Variants in ITGB3BP observed in about 807,000 individuals in gnomAD.
ITGB3BP encodes the protein centromere protein R.
In ITGB3BP, 27 loss-of-function variants were observed where a neutral mutation model predicts 29.1. The observed-to-expected ratio is 0.93, with a 90% CI of 0.68 to 1.28. ITGB3BP has a LOEUF of 1.28. ITGB3BP is among the 50% of genes most tolerant of loss of function. ITGB3BP has a pLI of 0.00. For missense variants in ITGB3BP, 192 were observed against 200.2 expected (o/e 0.96, Z 0.25); for synonymous variants, 61 against 61.4 (o/e 0.99, Z 0.03).
intron 4 of ITGB3BP, among the ~76,000 whole-genome samples, chr1:63,455,213 C>T (rs1250198943): frequency 6.6e-6 from 1 of 152,126 alleles, no homozygotes; most frequent in Admixed American, 6.6e-5. Flanking sequence ...AACACTAATA[C>T]ACCACCATTC....
intron 2 of ITGB3BP, among the ~76,000 whole-genome samples, chr1:63,500,881 A>G (rs1348096061): frequency 6.6e-6 from 1 of 152,234 alleles, no homozygotes; most frequent in Non-Finnish European, 1.5e-5. Context: ...CTGATTTCAA[A>G]CTTACAATCA....
chr1:63,474,020 G>GA (rs1382667749), intron 4 of ITGB3BP, among the ~76,000 whole-genome samples: 1 of 5,624 alleles, frequency 1.8e-4, no homozygotes, highest in African/African-American at 2.0e-4. Flanking sequence ...GAGGGAGGTG[G>GA]GGGGATCAGC....
intron 2 of ITGB3BP, among the ~76,000 whole-genome samples, chr1:63,507,237 G>C (rs1646100677): frequency 6.6e-6 from 1 of 152,186 alleles, no homozygotes; most frequent in African/African-American, 2.4e-5. Context: ...TACTAAATCA[G>C]TTGGTACAAG....
chr1:63,525,895 G>A, upstream of ITGB3BP: 1 of 601,634 alleles, frequency 1.7e-6, no homozygotes, highest in Non-Finnish European at 2.8e-6. Context: ...ACTACAGTAA[G>A]CTATTATGTC....
chr1:63,468,806 A>T (rs1645143302), intron 4 of ITGB3BP, among the ~76,000 whole-genome samples: 1 of 152,002 alleles, frequency 6.6e-6, no homozygotes, highest in African/African-American at 2.4e-5. Context: ...GGTTGCAGTG[A>T]GCAGAGATCG....
At chr1:63,491,574 A>C (rs1341015421) in intron 2 of ITGB3BP, among the ~76,000 whole-genome samples, 1 of 152,150 alleles carries the variant, frequency 6.6e-6, no homozygotes, top group Non-Finnish European at 1.5e-5. Context: ...CTGCCTGGTC[A>C]ACTATCCTTT....
intron 1 of ITGB3BP, among the ~76,000 whole-genome samples, chr1:63,516,349 G>T: frequency 1.2e-5 from 1 of 84,182 alleles, no homozygotes; most frequent in East Asian, 4.2e-4. Context: ...AAGCGGAGCG[G>T]GGGAAGGTGG....
Position 63,523,204 on chromosome 1 carries a change from G to T in ITGB3BP, c.-71C>A. On this transcript the variant is annotated 5_prime_UTR_variant, in exon 1 of 9. Transcript: ENST00000271002. Reference sequence around the variant, plus strand: ...AGCAACTTCCGAAAACAGAAAATCCGCCAAAGGAAACGCCAAGGCATGAAA... The same window carrying T: ...AGCAACTTCCGAAAACAGAAAATCCTCCAAAGGAAACGCCAAGGCATGAAA... The T allele has an allele frequency of 6.2e-7, 1 of 1,607,180 alleles. No homozygotes were observed. The highest frequency in any genetic ancestry group is 8.5e-7 in the Non-Finnish European group (1 of 1,175,364).
chr1:63,500,164 G>C (rs946716189), intron 2 of ITGB3BP, among the ~76,000 whole-genome samples: 2 of 152,196 alleles, frequency 1.3e-5, no homozygotes, highest in Non-Finnish European at 2.9e-5. Context: ...GATCACCTGA[G>C]GTCAGGAGTT....
chr1:63,464,692 G>T (rs1346210410), intron 4 of ITGB3BP, among the ~76,000 whole-genome samples: 1 of 152,122 alleles, frequency 6.6e-6, no homozygotes, highest in Non-Finnish European at 1.5e-5. Flanking sequence ...AAGGGAAAAT[G>T]ATTACTTTTA....
intron 2 of ITGB3BP, among the ~76,000 whole-genome samples, chr1:63,502,763 T>C (rs1645968652): frequency 1.4e-5 from 2 of 147,702 alleles, no homozygotes; most frequent in South Asian, 4.4e-4. Context: ...GAACACGCGG[T>C]GTTTGGTTTT....
intron 3 of ITGB3BP, among the ~76,000 whole-genome samples, chr1:63,485,787 A>T (rs1386383388): frequency 1.3e-5 from 2 of 152,098 alleles, no homozygotes; most frequent in Admixed American, 6.5e-5. Context: ...GTCTACTGAT[A>T]TAGATAAGTT....
In ITGB3BP at chr1:63,475,516, C is replaced by T. The variant is rs557609872; in HGVS notation, c.254+3248G>A. Among the ~76,000 whole-genome samples the T allele has an allele frequency of 2.6e-5, 4 of 152,250 alleles. No individual in the cohort carries two copies. In the South Asian group the frequency reaches 6.2e-4, roughly 24 times the overall value. Reference sequence around the variant, plus strand: ...GTTATAGTGGGCTATGATTGTGCCACTGCACTTCAGCATGGGTGACAGAGC... The same window carrying T: ...GTTATAGTGGGCTATGATTGTGCCATTGCACTTCAGCATGGGTGACAGAGC... On this transcript the variant is annotated intron_variant, in intron 4 of 8. Transcript: ENST00000271002.
In ITGB3BP at chr1:63,470,091, G is replaced by A. The variant is rs553490970; in HGVS notation, c.254+8673C>T. On this transcript the variant is annotated intron_variant, in intron 4 of 8. Transcript: ENST00000271002. The stretch of plus-strand genomic sequence containing the variant: ...CTTTAATTCAGCCCATCCCATAAGG[G>A]ATACTTTTAGTTAATTTAATATCTA... Among the ~76,000 whole-genome samples, 13 of 152,322 alleles carry A rather than the reference G, an allele frequency of 8.5e-5. No homozygotes were observed. The East Asian group carries it at 2.1e-3, about 25-fold the overall frequency.
chr1:63,516,679 C>A (rs1306426394), intron 1 of ITGB3BP, among the ~76,000 whole-genome samples: 1 of 136,566 alleles, frequency 7.3e-6, no homozygotes. Context: ...CACTGCAGTC[C>A]AGCCTGGGTG....
intron 4 of ITGB3BP, among the ~76,000 whole-genome samples, chr1:63,455,188 C>A (rs951301138): frequency 1.3e-5 from 2 of 152,122 alleles, no homozygotes; most frequent in African/African-American, 4.8e-5. Flanking sequence ...CCTTTCTCCA[C>A]AATGCCACAT....
intron 4 of ITGB3BP, among the ~76,000 whole-genome samples, chr1:63,455,179 C>T (rs1644915534): frequency 6.6e-6 from 1 of 152,096 alleles, no homozygotes; most frequent in Non-Finnish European, 1.5e-5. Context: ...TTGGCTGTTC[C>T]TTTCTCCACA....
intron 4 of ITGB3BP, among the ~76,000 whole-genome samples, chr1:63,468,339 G>T (rs1375570679): frequency 6.6e-6 from 1 of 152,148 alleles, no homozygotes; most frequent in Non-Finnish European, 1.5e-5. Context: ...GGGGTAACGA[G>T]TGATTTAAAG....
At chr1:63,449,989 T>C (rs1470261864) in intron 7 of ITGB3BP, among the ~76,000 whole-genome samples, 1 of 151,928 alleles carries the variant, frequency 6.6e-6, no homozygotes, top group African/African-American at 2.4e-5. Context: ...GTGGTTAGAA[T>C]GAAGAGGCAA....
Sources: allele counts gnomAD v4.1 joint callset (sites outside exome capture counted in the v4.1 genomes callset), GRCh38; gene constraint gnomAD v4.1.1; transcripts MANE v1.5; gene names NCBI Gene and HGNC (gene_info 2026-07-23, HGNC 2026-07-21).